The following ACTR3C variants were observed in gnomAD, a reference collection of about 807,000 sequenced individuals.
ACTR3C encodes actin-related protein 3C.
In ACTR3C, 18 loss-of-function variants were observed where a neutral mutation model predicts 26.3. That is an observed-to-expected ratio of 0.68 (90% CI 0.47 to 1.01). The LOEUF (loss-of-function observed/expected upper bound fraction) is 1.01, where lower values mean the gene tolerates loss of function less well. Ranked by LOEUF, ACTR3C falls within the 50% of genes least tolerant of loss-of-function variation. The probability of loss-of-function intolerance (pLI) is 0.00; values close to 1 mark genes in which losing one functional copy is unlikely to be tolerated. For synonymous variants in ACTR3C, 55 were observed against 94.5 expected, an observed-to-expected ratio of 0.58 and a Z score of 2.42; for missense variants, 184 against 250.7, an observed-to-expected ratio of 0.73 and a Z score of 1.80.
intron 6 of ACTR3C, among the ~76,000 whole-genome samples, chr7:150,282,940 G>A (rs1835468956): frequency 1.3e-5 from 2 of 148,692 alleles, no homozygotes; most frequent in African/African-American, 2.6e-5. Context: ...TCAAAGATGC[G>A]GGAAACGGGC....
the ACTR3C span, among the ~76,000 whole-genome samples, chr7:150,100,634 T>G: frequency 6.6e-6 from 1 of 151,508 alleles, no homozygotes; most frequent in Non-Finnish European, 1.5e-5. Context: ...CAAAGCAAAT[T>G]TACTTAGTCT....
chr7:150,121,090 T>A, the ACTR3C span, among the ~76,000 whole-genome samples: 8 of 152,130 alleles, frequency 5.3e-5, no homozygotes, highest in African/African-American at 1.9e-4. Context: ...TATCTCAAAA[T>A]AATAAGAACT....
the ACTR3C span, among the ~76,000 whole-genome samples, chr7:150,212,334 C>T: frequency 6.7e-6 from 1 of 148,826 alleles, no homozygotes; most frequent in Admixed American, 6.6e-5. Context: ...ATTTACTGCC[C>T]TCTATTCCTG....
At chr7:150,152,584 A>G in the ACTR3C span, among the ~76,000 whole-genome samples, 1 of 152,218 alleles carries the variant, frequency 6.6e-6, no homozygotes, top group African/African-American at 2.4e-5. Flanking sequence ...CATCAAGGAT[A>G]TTGGTCTAAA....
At chr7:150,186,161 C>T in the ACTR3C span, among the ~76,000 whole-genome samples, 1 of 152,146 alleles carries the variant, frequency 6.6e-6, no homozygotes. Flanking sequence ...ATAGATAATT[C>T]ATTAATCTGC....
the ACTR3C span, among the ~76,000 whole-genome samples, chr7:150,206,935 T>C: frequency 5.3e-5 from 8 of 152,256 alleles, no homozygotes; most frequent in Non-Finnish European, 1.0e-4. Flanking sequence ...CTCAGGCTTT[T>C]GACCATTGTA....
At chr7:150,307,498 C>T (rs1795885643) in intron 1 of ACTR3C, among the ~76,000 whole-genome samples, 1 of 152,194 alleles carries the variant, frequency 6.6e-6, no homozygotes, top group Admixed American at 6.5e-5. Flanking sequence ...CCACCATGTA[C>T]CTTGTGACCC....
chr7:149,999,696 G>A, the ACTR3C span, among the ~76,000 whole-genome samples: 13 of 151,244 alleles, frequency 8.6e-5, no homozygotes, highest in African/African-American at 1.2e-4. Context: ...GCCAGCAAGC[G>A]GAGGCTGGGC....
chr7:150,108,620 C>T, the ACTR3C span, among the ~76,000 whole-genome samples: 2 of 148,732 alleles, frequency 1.3e-5, 1 homozygote, highest in African/African-American at 5.1e-5. Flanking sequence ...CTTATAAATG[C>T]AATTAATGTA....
At chr7:149,917,469 C>T in the ACTR3C span, among the ~76,000 whole-genome samples, 1 of 152,064 alleles carries the variant, frequency 6.6e-6, no homozygotes, top group African/African-American at 2.4e-5. Context: ...GTAGACTTTT[C>T]AGTTCTGCAA....
chr7:150,284,839 T>G lies in ACTR3C; in HGVS notation c.478A>C (p.Asn160His). ...GAGATGGACTCCATAGAGTCTGGGT[T>G]GGCAAACTGAATTGTATATCAATAT... ...PEIFFHPEFA[N>H]PDSMESISDV... Residue 160 changes from asparagine to histidine, a missense_variant, in exon 6 of 8, where the codon AAC becomes CAC. Coordinates refer to ENST00000683684, the MANE Select transcript of ACTR3C (RefSeq NM_001164458.2). 6.2e-7 allele frequency: 1 copy of G among 1,609,464 alleles called. No homozygotes were observed. The highest frequency in any genetic ancestry group is 8.5e-7 in the Non-Finnish European group (1 of 1,178,368).
chr7:150,088,011 C>A, the ACTR3C span, among the ~76,000 whole-genome samples: 6 of 152,246 alleles, frequency 3.9e-5, no homozygotes, highest in Non-Finnish European at 7.3e-5. Context: ...TTGGTACTTC[C>A]CATTTTCAAT....
intron 1 of ACTR3C, among the ~76,000 whole-genome samples, chr7:150,307,011 T>A (rs1795853055): frequency 6.6e-6 from 1 of 151,734 alleles, no homozygotes; most frequent in Non-Finnish European, 1.5e-5. Flanking sequence ...ATATAGATTA[T>A]GGTTTCATAT....
the ACTR3C span, among the ~76,000 whole-genome samples, chr7:150,026,272 A>C: frequency 1.3e-5 from 2 of 152,060 alleles, no homozygotes; most frequent in Non-Finnish European, 2.9e-5. Context: ...TCATCATAAC[A>C]TCATTCCACC....
the ACTR3C span, among the ~76,000 whole-genome samples, chr7:150,177,137 C>T: frequency 6.6e-6 from 1 of 150,464 alleles, no homozygotes; most frequent in East Asian, 1.9e-4. Context: ...TTTACTACCT[C>T]ATTTATTTTA....
the ACTR3C span, among the ~76,000 whole-genome samples, chr7:150,180,765 C>T: frequency 3.4e-5 from 5 of 149,072 alleles, no homozygotes; most frequent in East Asian, 7.8e-4. Context: ...CCGCCTCGGC[C>T]TCCAAAAGTG....
At chr7:150,146,344 T>G in the ACTR3C span, among the ~76,000 whole-genome samples, 2 of 152,116 alleles carry the variant, frequency 1.3e-5, no homozygotes, top group Non-Finnish European at 2.9e-5. Flanking sequence ...CTTCCTTATT[T>G]CCCCAGTTCA....
chr7:150,023,599 C>T, the ACTR3C span, among the ~76,000 whole-genome samples: 4 of 151,622 alleles, frequency 2.6e-5, no homozygotes, highest in Non-Finnish European at 4.4e-5. Flanking sequence ...GACAGGAATA[C>T]CAATTTCTCC....
the ACTR3C span, among the ~76,000 whole-genome samples, chr7:150,048,521 G>GGCCCCGCCGAAGGTAGTGCTGCGCGT: frequency 2.6e-5 from 4 of 152,162 alleles, no homozygotes; most frequent in South Asian, 2.1e-4. Flanking sequence ...AGGGTTCTGC[G>GGCCCCGCCGAAGGTAGTGCTGCGCGT]GCCCCGCCGA....
Sources: gnomAD v4.1 joint callset for allele counts (sites outside exome capture counted in the v4.1 genomes callset) on GRCh38, gnomAD v4.1.1 for gene constraint, MANE v1.5 for transcripts, NCBI Gene and HGNC (gene_info 2026-07-23, HGNC 2026-07-21) for gene names.